GRID2: variants seen among roughly 807,000 people sequenced by gnomAD.
GRID2 encodes glutamate receptor ionotropic, delta-2.
GRID2 carries 33 observed loss-of-function variants against 114.8 expected under a neutral mutation model. The observed-to-expected ratio is 0.29, with a 90% confidence interval of 0.22 to 0.38. GRID2 has a LOEUF of 0.38. Among genes scored for constraint, GRID2 ranks in the 10% least tolerant of loss-of-function variants. The pLI is 1.00. For missense variants in GRID2, 1,184 were observed against 1,257.7 expected (o/e 0.94, Z 0.89); for synonymous variants, 505 against 449.9 (o/e 1.12, Z -1.55).
intron 2 of GRID2, among the ~76,000 whole-genome samples, chr4:92,944,073 C>A (rs1187389803): frequency 6.6e-6 from 1 of 152,140 alleles, no homozygotes. Flanking sequence ...CTCAGATCTC[C>A]AACTGCATGC....
intron 1 of GRID2, among the ~76,000 whole-genome samples, chr4:92,530,732 T>C (rs1440143070): frequency 4.0e-5 from 4 of 100,124 alleles, no homozygotes; most frequent in African/African-American, 1.1e-4. Flanking sequence ...AAACCCCCTC[T>C]ACTAAAAAAA....
At chr4:92,332,572 T>A (rs1279569862) in intron 1 of GRID2, among the ~76,000 whole-genome samples, 2 of 152,150 alleles carry the variant, frequency 1.3e-5, no homozygotes, top group African/African-American at 4.8e-5. Context: ...CATTCTAATA[T>A]CACCTTAAAA....
At chr4:92,934,568 C>A (rs1289348695) in intron 2 of GRID2, among the ~76,000 whole-genome samples, 1 of 146,282 alleles carries the variant, frequency 6.8e-6, no homozygotes, top group Non-Finnish European at 1.5e-5. Context: ...AAAAAAGAGC[C>A]TGCATCGCCA....
At chr4:92,650,650 T>C (rs535163648) in intron 2 of GRID2, among the ~76,000 whole-genome samples, 57 of 151,982 alleles carry the variant, frequency 3.8e-4, no homozygotes, top group African/African-American at 1.3e-3. Context: ...TCATTGTGTC[T>C]CTTGGTGGAA....
chr4:92,342,535 T>C (rs1451023553), intron 1 of GRID2, among the ~76,000 whole-genome samples: 1 of 152,188 alleles, frequency 6.6e-6, no homozygotes, highest in Non-Finnish European at 1.5e-5. Context: ...ATTAGAACTC[T>C]AGAATGTTTA....
intron 1 of GRID2, among the ~76,000 whole-genome samples, chr4:92,459,464 G>A (rs1383386899): frequency 6.6e-6 from 1 of 152,292 alleles, no homozygotes; most frequent in East Asian, 1.9e-4. Context: ...CAACTTTGGA[G>A]TGAAAAGTAC....
chr4:93,362,036 G>A (rs1193379080), intron 8 of GRID2, among the ~76,000 whole-genome samples: 1 of 151,906 alleles, frequency 6.6e-6, no homozygotes, highest in Non-Finnish European at 1.5e-5. Flanking sequence ...ATTGGAGATG[G>A]GCTGTTAAAT....
chr4:93,264,201 C>A (rs1043892478), intron 8 of GRID2, among the ~76,000 whole-genome samples: 1 of 152,130 alleles, frequency 6.6e-6, no homozygotes, highest in Non-Finnish European at 1.5e-5. Flanking sequence ...TTATTTATAA[C>A]TTTGACCACA....
intron 8 of GRID2, among the ~76,000 whole-genome samples, chr4:93,324,385 G>A (rs978345260): frequency 1.8e-4 from 27 of 151,994 alleles, no homozygotes; most frequent in African/African-American, 6.3e-4. Context: ...GCCTTGCATC[G>A]CAGGGATGAA....
chr4:92,834,945 A>T (rs1742351541), intron 2 of GRID2, among the ~76,000 whole-genome samples: 1 of 152,124 alleles, frequency 6.6e-6, no homozygotes, highest in Non-Finnish European at 1.5e-5. Context: ...CGCCTTGGAA[A>T]TGTATGATGA....
chr4:92,488,140 T>C (rs1414149317), intron 1 of GRID2, among the ~76,000 whole-genome samples: 2 of 152,254 alleles, frequency 1.3e-5, no homozygotes, highest in East Asian at 3.9e-4. Context: ...ACACTTTCTA[T>C]AAAGGTATAA....
intron 2 of GRID2, among the ~76,000 whole-genome samples, chr4:92,837,180 G>A (rs757254432): frequency 2.0e-5 from 3 of 151,992 alleles, no homozygotes; most frequent in East Asian, 1.9e-4. Flanking sequence ...GAATGGTAAC[G>A]ACACAATCCT....
intron 2 of GRID2, among the ~76,000 whole-genome samples, chr4:92,827,493 C>A (rs1741802959): frequency 6.6e-6 from 1 of 151,744 alleles, no homozygotes; most frequent in South Asian, 2.1e-4. Flanking sequence ...TAACACCTCC[C>A]AGCCCCGTCA....
chr4:93,024,331 T>C (rs1177413978), intron 2 of GRID2, among the ~76,000 whole-genome samples: 1 of 151,740 alleles, frequency 6.6e-6, no homozygotes, highest in African/African-American at 2.4e-5. Flanking sequence ...GGAATAATAT[T>C]GATTCTCAGA....
At chr4:92,797,955 T>C (rs1216142948) in intron 2 of GRID2, among the ~76,000 whole-genome samples, 1 of 151,968 alleles carries the variant, frequency 6.6e-6, no homozygotes, top group Non-Finnish European at 1.5e-5. Context: ...GATAAAGTTT[T>C]TACTGCCTTA....
chr4:92,720,988 C>A (rs1405481782), intron 2 of GRID2, among the ~76,000 whole-genome samples: 3 of 152,170 alleles, frequency 2.0e-5, no homozygotes, highest in African/African-American at 7.2e-5. Context: ...GAAGACCATT[C>A]TGACACATCA....
chr4:92,913,127 C>T (rs902130249), intron 2 of GRID2, among the ~76,000 whole-genome samples: 2 of 151,734 alleles, frequency 1.3e-5, no homozygotes, highest in African/African-American at 2.4e-5. Context: ...TTTAAAATTT[C>T]TGTACTTCTC....
intron 2 of GRID2, among the ~76,000 whole-genome samples, chr4:92,768,179 G>A (rs745509634): frequency 6.6e-5 from 10 of 152,032 alleles, no homozygotes; most frequent in Non-Finnish European, 1.0e-4. Flanking sequence ...ACTGAAATGA[G>A]TTTTTGACTT....
chr4:92,783,845 C>T (rs1418005587), intron 2 of GRID2, among the ~76,000 whole-genome samples: 2 of 151,918 alleles, frequency 1.3e-5, no homozygotes, highest in Non-Finnish European at 2.9e-5. Flanking sequence ...TATGATCATG[C>T]TACTGCACTC....
Sources: allele counts gnomAD v4.1 joint callset (sites outside exome capture counted in the v4.1 genomes callset), GRCh38; gene constraint gnomAD v4.1.1; transcripts MANE v1.5; gene names NCBI Gene and HGNC (gene_info 2026-07-23, HGNC 2026-07-21).